CTNNA2: variants seen among roughly 807,000 people sequenced by gnomAD.
CTNNA2 encodes catenin alpha-2.
A neutral mutation model predicts 101.0 loss-of-function variants in CTNNA2; 42 were observed. That is an observed-to-expected ratio of 0.42 (90% confidence interval 0.32 to 0.54). CTNNA2 has a LOEUF of 0.54. Among genes scored for constraint, CTNNA2 ranks in the 20% least tolerant of loss-of-function variants. The pLI, the probability that CTNNA2 is intolerant of heterozygous loss-of-function variation, is 0.14. For synonymous variants in CTNNA2, 450 were observed against 456.4 expected (o/e 0.99, Z 0.18); for missense variants, 871 against 1,223.1 (o/e 0.71, Z 4.29).
At chr2:80,414,110 A>C (rs1281413422) in intron 8 of CTNNA2, among the ~76,000 whole-genome samples, 1 of 152,216 alleles carries the variant, frequency 6.6e-6, no homozygotes, top group East Asian at 1.9e-4. Context: ...AAAGGCTTCA[A>C]CTGCAGGGAA....
At chr2:79,718,969 C>A (rs1686297397) in intron 2 of CTNNA2, among the ~76,000 whole-genome samples, 1 of 151,974 alleles carries the variant, frequency 6.6e-6, no homozygotes, top group Non-Finnish European at 1.5e-5. Flanking sequence ...AGGTTTGTTA[C>A]ATGGGTATAT....
At chr2:80,231,090 G>A (rs1709184153) in intron 7 of CTNNA2, among the ~76,000 whole-genome samples, 1 of 152,014 alleles carries the variant, frequency 6.6e-6, no homozygotes, top group African/African-American at 2.4e-5. Context: ...TCCTGCCTCG[G>A]CCTCCCAAGT....
chr2:80,274,429 C>T (rs760519364), intron 7 of CTNNA2, among the ~76,000 whole-genome samples: 1 of 152,170 alleles, frequency 6.6e-6, no homozygotes, highest in East Asian at 1.9e-4. Flanking sequence ...AAGCCCAGTT[C>T]GCTCTGGGCT....
At chr2:79,588,768 G>A (rs1676659096) in intron 1 of CTNNA2, among the ~76,000 whole-genome samples, 2 of 152,144 alleles carry the variant, frequency 1.3e-5, no homozygotes, top group Non-Finnish European at 1.5e-5. Context: ...AAGACTTGAA[G>A]CCTCTTGGTG....
intron 7 of CTNNA2, among the ~76,000 whole-genome samples, chr2:80,045,983 A>G (rs950610151): frequency 6.6e-6 from 1 of 152,350 alleles, no homozygotes; most frequent in East Asian, 1.9e-4. Context: ...CACTCAGCAG[A>G]GCATCAGACA....
intron 15 of CTNNA2, chr2:80,601,824 A>T (rs1329783442): frequency 6.6e-6 from 1 of 151,942 alleles, no homozygotes; most frequent in Non-Finnish European, 1.5e-5. Flanking sequence ...TGAATTCTTG[A>T]GCCATCTATT....
intron 9 of CTNNA2, among the ~76,000 whole-genome samples, chr2:80,448,492 C>A (rs2149452128): frequency 6.6e-6 from 1 of 152,260 alleles, no homozygotes; most frequent in South Asian, 2.1e-4. Context: ...TACACATTAG[C>A]ATTACCTGAG....
chr2:79,704,607 G>A (rs1313883037), intron 2 of CTNNA2, among the ~76,000 whole-genome samples: 1 of 151,064 alleles, frequency 6.6e-6, no homozygotes, highest in African/African-American at 2.4e-5. Context: ...CCGCCTCCCG[G>A]GTTCACGCCA....
chr2:79,288,430 C>A (rs72917219), intron 2 of CTNNA2, among the ~76,000 whole-genome samples: 2 of 152,158 alleles, frequency 1.3e-5, no homozygotes, highest in African/African-American at 4.8e-5. Context: ...TGGTAATCTT[C>A]GCTTGGAGTC....
intron 9 of CTNNA2, among the ~76,000 whole-genome samples, chr2:80,536,487 A>G (rs1257694919): frequency 6.6e-6 from 1 of 152,324 alleles, no homozygotes; most frequent in East Asian, 1.9e-4. Context: ...CACCAATATG[A>G]TACCTGAAGC....
chr2:79,675,289 A>G (rs1683108040), intron 2 of CTNNA2, among the ~76,000 whole-genome samples: 1 of 152,206 alleles, frequency 6.6e-6, no homozygotes, highest in Non-Finnish European at 1.5e-5. Context: ...ATTGATTCAA[A>G]TTGTACAAAA....
chr2:79,504,788 T>G (rs1163626840), intron 4 of CTNNA2, among the ~76,000 whole-genome samples: 1 of 152,162 alleles, frequency 6.6e-6, no homozygotes, highest in Admixed American at 6.6e-5. Context: ...GTATTAAAAT[T>G]TAAGTACAGT....
rs534661208 is a variant in CTNNA2, at chr2:79,743,137, G to A, written c.103-1250G>A. On this transcript the variant is annotated intron_variant, in intron 2 of 18. Coordinates refer to ENST00000402739, the MANE Select transcript of CTNNA2 (RefSeq NM_001282597.3). The stretch of plus-strand genomic sequence containing the variant: ...TCTGCTAACCAGGATAAATATCAAC[G>A]AAAATAAACCACAGAACCTACATTC... 4.0e-5 allele frequency among the ~76,000 whole-genome samples: 6 copies of A among 150,710 alleles called. No homozygotes were observed. In the South Asian group the frequency reaches 8.3e-4, roughly 21 times the overall value.
rs369727766 is a variant in CTNNA2, at chr2:79,472,291, G to C, written c.-134-32763G>C. On this transcript the variant is annotated intron_variant, in intron 4 of 21. Coordinates refer to the CTNNA2 transcript ENST00000466387. ...TTTTTGGCTTCATGCCCTGCCTTCAGGTGGTGGTACTGCACGTGCAGCCCT... is the reference window on the plus strand; with the variant it reads ...TTTTTGGCTTCATGCCCTGCCTTCACGTGGTGGTACTGCACGTGCAGCCCT... 1.1e-4 allele frequency among the ~76,000 whole-genome samples: 16 copies of C among 152,356 alleles called. No homozygotes were observed. In the South Asian group the frequency reaches 3.3e-3, roughly 32 times the overall value.
intron 7 of CTNNA2, among the ~76,000 whole-genome samples, chr2:79,934,504 A>G (rs1258478846): frequency 6.6e-6 from 1 of 152,242 alleles, no homozygotes; most frequent in Non-Finnish European, 1.5e-5. Context: ...AAGAGCTACT[A>G]CAGGTGGGAC....
intron 4 of CTNNA2, among the ~76,000 whole-genome samples, chr2:79,868,700 T>G (rs192382360): frequency 6.6e-6 from 1 of 152,356 alleles, no homozygotes; most frequent in East Asian, 1.9e-4. Flanking sequence ...CCAAGTATTT[T>G]TTGCATTTCT....
chr2:79,819,566 A>G (rs1477604949), intron 3 of CTNNA2, among the ~76,000 whole-genome samples: 1 of 152,224 alleles, frequency 6.6e-6, no homozygotes, highest in Non-Finnish European at 1.5e-5. Flanking sequence ...TGTTAAGAAT[A>G]TAAGACTATA....
intron 1 of CTNNA2, among the ~76,000 whole-genome samples, chr2:79,642,463 C>G (rs1327149193): frequency 6.6e-6 from 1 of 152,172 alleles, no homozygotes; most frequent in Non-Finnish European, 1.5e-5. Flanking sequence ...GTTCACTGAG[C>G]CAGGGCTTTG....
intron 18 of CTNNA2, among the ~76,000 whole-genome samples, chr2:80,625,295 CAT>C (rs1161074821): frequency 6.6e-6 from 1 of 151,898 alleles, no homozygotes; most frequent in Non-Finnish European, 1.5e-5. Flanking sequence ...GTTACATTAA[CAT>C]AAACTGAAGG....
Sources: gnomAD v4.1 joint callset for allele counts (sites outside exome capture counted in the v4.1 genomes callset) on GRCh38, gnomAD v4.1.1 for gene constraint, MANE v1.5 for transcripts, NCBI Gene and HGNC (gene_info 2026-07-23, HGNC 2026-07-21) for gene names.